PIGN: variants seen among roughly 807,000 people sequenced by gnomAD.
The protein encoded by PIGN is phosphatidylinositol glycan anchor biosynthesis class N.
In PIGN, 117 loss-of-function variants were observed where a neutral mutation model predicts 125.4. That is an observed-to-expected ratio of 0.93 (90% CI 0.80 to 1.09). The LOEUF (loss-of-function observed/expected upper bound fraction) is 1.09, where lower values mean the gene tolerates loss of function less well. Among genes scored for constraint, PIGN ranks in the 50% least tolerant of loss-of-function variants. The probability of loss-of-function intolerance (pLI) is 0.00; values close to 1 mark genes in which losing one functional copy is unlikely to be tolerated. For missense variants in PIGN, 1,075 were observed against 1,094.9 expected (o/e 0.98, Z 0.26); for synonymous variants, 392 against 377.8 (o/e 1.04, Z -0.44).
At chr18:62,175,477 G>A (rs1005485166) in intron 1 of PIGN, among the ~76,000 whole-genome samples, 9 of 152,206 alleles carry the variant, frequency 5.9e-5, no homozygotes, top group Admixed American at 2.6e-4. Flanking sequence ...ATGTAAATTA[G>A]ATTACATCTT....
intron 13 of PIGN, among the ~76,000 whole-genome samples, chr18:62,138,536 T>G (rs1262565112): frequency 1.3e-5 from 2 of 152,194 alleles, no homozygotes; most frequent in African/African-American, 4.8e-5. Context: ...TAATTAAAAC[T>G]GTACTTCCTT....
chr18:62,022,866 C>G (rs1185606467), intron 23 of PIGN, among the ~76,000 whole-genome samples: 1 of 152,152 alleles, frequency 6.6e-6, no homozygotes, highest in Non-Finnish European at 1.5e-5. Flanking sequence ...TCTGCAGGTG[C>G]TCAAGTCCTT....
At chr18:62,058,465 A>G (rs2031891834) in intron 30 of PIGN, among the ~76,000 whole-genome samples, 1 of 152,200 alleles carries the variant, frequency 6.6e-6, no homozygotes, top group Admixed American at 6.5e-5. Context: ...CTATGGAAAG[A>G]CGCAAACGTG....
chr18:62,182,526 G>C (rs987535918), intron 1 of PIGN, among the ~76,000 whole-genome samples: 1 of 152,010 alleles, frequency 6.6e-6, no homozygotes. Flanking sequence ...TGTGTTTCTT[G>C]AATCTGTTCA....
chr18:62,129,945 T>C (rs1302117217), intron 14 of PIGN, among the ~76,000 whole-genome samples: 2 of 152,126 alleles, frequency 1.3e-5, no homozygotes, highest in African/African-American at 4.8e-5. Context: ...TAAATTAGGG[T>C]GAACCTTAAA....
intron 23 of PIGN, among the ~76,000 whole-genome samples, chr18:62,025,369 C>CT (rs1441950281): frequency 1.3e-5 from 2 of 151,944 alleles, no homozygotes; most frequent in Admixed American, 6.6e-5. Context: ...GTTTTTTGGT[C>CT]TTTTTTTCCC....
At chr18:62,047,245 C>G (rs2030800126) in intron 30 of PIGN, among the ~76,000 whole-genome samples, 1 of 152,238 alleles carries the variant, frequency 6.6e-6, no homozygotes, top group Admixed American at 6.5e-5. Flanking sequence ...AACTCCCCGG[C>G]TATGCCCTCC....
chr18:62,154,196 T>C (rs1275863530), intron 7 of PIGN: 1 of 306,416 alleles, frequency 3.3e-6, no homozygotes, highest in African/African-American at 2.1e-5. Context: ...TGAACAGCAT[T>C]TTCCCAAAGG....
At chr18:62,100,992 A>T in intron 22 of PIGN, 83 bp downstream of exon 22, 1 of 741,188 alleles carries the variant, frequency 1.3e-6, no homozygotes, top group Non-Finnish European at 2.4e-6. Context: ...TCTTTCAATA[A>T]CAATGATACA....
intron 1 of PIGN, among the ~76,000 whole-genome samples, chr18:62,173,867 A>C (rs1228704802): frequency 6.6e-6 from 1 of 152,188 alleles, no homozygotes; most frequent in Non-Finnish European, 1.5e-5. Flanking sequence ...CACAAGGAAG[A>C]GCAACAAATA....
chr18:62,054,422 G>C (rs1271707827), intron 30 of PIGN, among the ~76,000 whole-genome samples: 1 of 145,232 alleles, frequency 6.9e-6, no homozygotes, highest in Non-Finnish European at 1.5e-5. Flanking sequence ...AGGGTAAAAA[G>C]ACAAGCTACA....
In PIGN at chr18:62,041,691, GTGTGTGTGTGTGTGTT is replaced by G. The variant is rs1275886695; in HGVS notation, c.*4149_*4164del. On this transcript the variant is annotated 3_prime_UTR_variant, in exon 31 of 31. Coordinates refer to ENST00000640252, the MANE Select transcript of PIGN (RefSeq NM_176787.5). Reference sequence around the variant, plus strand: ...TGTGTGTGTGTGTGTGTGTGTGTGTGTGTGTGTGTGTGTGTTTAGTAGAGATGGGGTTTTGCCATCT... The same window carrying G: ...TGTGTGTGTGTGTGTGTGTGTGTGTGTAGTAGAGATGGGGTTTTGCCATCT... 1 of 151,400 alleles carries G rather than the reference GTGTGTGTGTGTGTGTT, an allele frequency of 6.6e-6. No homozygotes were observed. The highest frequency in any genetic ancestry group is 2.0e-4 in the East Asian group (1 of 5,110). 9.4% of individuals were successfully genotyped at this position (151,400 alleles called of 1,614,324 possible).
At chr18:62,065,753 A>T (rs2032482159) in intron 30 of PIGN, among the ~76,000 whole-genome samples, 1 of 151,988 alleles carries the variant, frequency 6.6e-6, no homozygotes, top group African/African-American at 2.4e-5. Flanking sequence ...AAATAAAAAT[A>T]AAAAAAAGAC....
chr18:62,184,484 C>A (rs1001539364), intron 1 of PIGN: 2 of 152,004 alleles, frequency 1.3e-5, no homozygotes, highest in Admixed American at 1.3e-4. Flanking sequence ...CACGAATAAC[C>A]AAACCTCTGT....
chr18:62,038,317 T>G (rs1461809195), downstream of PIGN, among the ~76,000 whole-genome samples: 3 of 150,184 alleles, frequency 2.0e-5, no homozygotes, highest in Non-Finnish European at 4.4e-5. Flanking sequence ...TGTTTTTTTT[T>G]TTTTTTTTTT....
chr18:62,068,232 A>G (rs938213995), intron 30 of PIGN, among the ~76,000 whole-genome samples: 2 of 152,130 alleles, frequency 1.3e-5, no homozygotes, highest in Non-Finnish European at 2.9e-5. Context: ...TGATATCATC[A>G]TTTGGTAGGC....
At position 62,113,170 on chromosome 18, in the gene PIGN, A is replaced by G. The variant is rs61755361; in HGVS notation, c.1398T>C (p.His466=). 1.4e-4 allele frequency: 220 copies of G among 1,611,864 alleles called. No individual in the cohort carries two copies. Among genetic ancestry groups the G allele is most frequent in the Non-Finnish European group, 1.7e-4 (205 of 1,178,878 alleles). ...TACTAACACCTTTTATAAGGTTGGA[A>G]TGAGACTTGATGATCAACAAAGAGG... ...SYASLLIIKS[H]SNLIKGVSKE... is the part of the protein sequence containing the mutation. The change falls in exon 16 of 31, where the codon CAT becomes CAC. Residue 466 remains histidine (H), a synonymous_variant. Transcript: ENST00000640252.
intron 30 of PIGN, among the ~76,000 whole-genome samples, chr18:62,066,424 C>T (rs1052861985): frequency 3.3e-5 from 5 of 152,066 alleles, no homozygotes; most frequent in African/African-American, 4.8e-5. Flanking sequence ...TACAGTGTTA[C>T]GAGGAAAATC....
At chr18:62,127,940 G>GGAAACA (rs2146935054) in intron 14 of PIGN, among the ~76,000 whole-genome samples, 1 of 152,136 alleles carries the variant, frequency 6.6e-6, no homozygotes, top group East Asian at 1.9e-4. Context: ...AAAATACATG[G>GGAAACA]TGCTATTTTC....
Sources: gnomAD v4.1 joint callset for allele counts (sites outside exome capture counted in the v4.1 genomes callset) on GRCh38, gnomAD v4.1.1 for gene constraint, MANE v1.5 for transcripts, NCBI Gene and HGNC (gene_info 2026-07-23, HGNC 2026-07-21) for gene names.